MECOM: variants seen among roughly 807,000 people sequenced by gnomAD.
The protein encoded by MECOM is histone-lysine N-methyltransferase MECOM.
A neutral mutation model predicts 116.3 loss-of-function variants in MECOM; 13 were observed. The observed-to-expected ratio is 0.11, with a 90% CI of 0.07 to 0.18. The LOEUF (loss-of-function observed/expected upper bound fraction) is 0.18, where lower values mean the gene tolerates loss of function less well. Among genes scored for constraint, MECOM ranks in the 10% least tolerant of loss-of-function variants. The pLI is 1.00. For missense variants in MECOM, 1,299 were observed against 1,509.0 expected (o/e 0.86, Z 2.31); for synonymous variants, 528 against 535.2 (o/e 0.99, Z 0.19).
intron 1 of MECOM, among the ~76,000 whole-genome samples, chr3:169,416,122 G>T (rs1248881378): frequency 6.6e-6 from 1 of 152,080 alleles, no homozygotes; most frequent in Admixed American, 6.5e-5. Context: ...CATATAATTG[G>T]AAGTAAAACA....
At chr3:169,616,842 C>G (rs1469452521) in intron 1 of MECOM, among the ~76,000 whole-genome samples, 2 of 152,186 alleles carry the variant, frequency 1.3e-5, no homozygotes, top group African/African-American at 4.8e-5. Flanking sequence ...CTTCCACATA[C>G]AGATGAAGTA....
intron 1 of MECOM, among the ~76,000 whole-genome samples, chr3:169,465,044 CTTATA>C (rs1473164223): frequency 5.3e-5 from 8 of 152,016 alleles, no homozygotes; most frequent in Non-Finnish European, 1.0e-4. Flanking sequence ...ACAATGAATA[CTTATA>C]TTAGAATCAG....
At chr3:169,387,275 T>A (rs1283094420) in intron 1 of MECOM, among the ~76,000 whole-genome samples, 1 of 152,240 alleles carries the variant, frequency 6.6e-6, no homozygotes. Flanking sequence ...AAAAAATGAT[T>A]TCATTTATTT....
intron 1 of MECOM, among the ~76,000 whole-genome samples, chr3:169,415,608 C>T (rs1021742653): frequency 4.0e-5 from 6 of 151,882 alleles, no homozygotes; most frequent in Admixed American, 3.9e-4. Flanking sequence ...GAGTCAAGAC[C>T]CATCAGTGTG....
At chr3:169,484,999 T>C (rs536882710) in intron 1 of MECOM, among the ~76,000 whole-genome samples, 52 of 152,196 alleles carry the variant, frequency 3.4e-4, no homozygotes, top group African/African-American at 1.2e-3. Context: ...TATTTATTTA[T>C]TTATTTATTT....
At chr3:169,568,120 G>T (rs147886511) in intron 1 of MECOM, among the ~76,000 whole-genome samples, 1 of 152,118 alleles carries the variant, frequency 6.6e-6, no homozygotes, top group Non-Finnish European at 1.5e-5. Flanking sequence ...GCAAGGGGTC[G>T]GGGAACTCCC....
At chr3:169,146,566 T>A in intron 2 of MECOM, 1 of 1,375,706 alleles carries the variant, frequency 7.3e-7, no homozygotes, top group African/African-American at 1.5e-5. Flanking sequence ...GCAACGTAGA[T>A]AAGCAGCAGG....
chr3:169,395,490 C>T (rs1734882604), intron 1 of MECOM, among the ~76,000 whole-genome samples: 1 of 152,206 alleles, frequency 6.6e-6, no homozygotes, highest in African/African-American at 2.4e-5. Flanking sequence ...TTTACACACA[C>T]TCATATGTGC....
chr3:169,556,334 T>C (rs1762028853), intron 1 of MECOM, among the ~76,000 whole-genome samples: 1 of 152,152 alleles, frequency 6.6e-6, no homozygotes, highest in African/African-American at 2.4e-5. Flanking sequence ...GGTAGTGATG[T>C]TTTGAATACG....
chr3:169,663,531 C>CT lies in MECOM; in HGVS notation c.-160_-159insA. Reference sequence around the variant, plus strand: ...CTCTCTCTCTCTCTCTCTCTCTCTCCCTCCCTCCTGTTTCTCTCCTGTTTC... The same window carrying CT: ...CTCTCTCTCTCTCTCTCTCTCTCTCCTCTCCCTCCTGTTTCTCTCCTGTTTC... On this transcript the variant is annotated 5_prime_UTR_variant, in exon 1 of 17. Coordinates refer to ENST00000651503, the MANE Select transcript of MECOM (RefSeq NM_004991.4). 1 of 537,132 alleles carries CT rather than the reference C, an allele frequency of 1.9e-6. No individual in the cohort carries two copies. Among genetic ancestry groups the CT allele is most frequent in the African/African-American group, 2.5e-5 (1 of 39,904 alleles). 33.3% of individuals were successfully genotyped at this position (537,132 alleles called of 1,614,324 possible).
At chr3:169,264,090 T>C (rs1202963391) in intron 2 of MECOM, among the ~76,000 whole-genome samples, 2 of 152,224 alleles carry the variant, frequency 1.3e-5, no homozygotes, top group Non-Finnish European at 2.9e-5. Flanking sequence ...TGTATGTCCT[T>C]AGAATCAAAA....
chr3:169,581,987 T>C (rs1299770372), intron 1 of MECOM, among the ~76,000 whole-genome samples: 1 of 152,218 alleles, frequency 6.6e-6, no homozygotes, highest in Non-Finnish European at 1.5e-5. Context: ...GAGTCAATAA[T>C]ATGAATCAGA....
At chr3:169,552,551 G>A (rs534054160) in intron 1 of MECOM, among the ~76,000 whole-genome samples, 1 of 152,182 alleles carries the variant, frequency 6.6e-6, no homozygotes, top group East Asian at 1.9e-4. Context: ...TTTAATATAG[G>A]AGGAAACTGA....
intron 2 of MECOM, among the ~76,000 whole-genome samples, chr3:169,292,096 T>G (rs1714673649): frequency 6.6e-6 from 1 of 152,138 alleles, no homozygotes; most frequent in South Asian, 2.1e-4. Context: ...TCCCAGCATT[T>G]TTTTGGGAGG....
chr3:169,214,624 T>G (rs1023401171), intron 2 of MECOM, among the ~76,000 whole-genome samples: 1 of 151,716 alleles, frequency 6.6e-6, no homozygotes, highest in African/African-American at 2.4e-5. Flanking sequence ...GACAATGAAT[T>G]TTTTTAAATG....
At chr3:169,326,202 G>A (rs1369535258) in intron 2 of MECOM, among the ~76,000 whole-genome samples, 2 of 152,196 alleles carry the variant, frequency 1.3e-5, no homozygotes, top group Non-Finnish European at 2.9e-5. Context: ...GGGACAGAGA[G>A]AGAGGAGAGC....
chr3:169,314,133 T>C (rs1163776704), intron 2 of MECOM, among the ~76,000 whole-genome samples: 1 of 152,242 alleles, frequency 6.6e-6, no homozygotes, highest in Admixed American at 6.5e-5. Flanking sequence ...TCCTCCTTCC[T>C]TGTCTTCTTC....
chr3:169,111,151 C>G (rs967649943), intron 9 of MECOM, among the ~76,000 whole-genome samples: 1 of 152,114 alleles, frequency 6.6e-6, no homozygotes, highest in Non-Finnish European at 1.5e-5. Context: ...ACACCCGACT[C>G]TCTCATTTTT....
chr3:169,405,123 T>C (rs1736492645), intron 1 of MECOM, among the ~76,000 whole-genome samples: 1 of 152,212 alleles, frequency 6.6e-6, no homozygotes, highest in Non-Finnish European at 1.5e-5. Flanking sequence ...TTTGCTAATG[T>C]TCTATCGCTG....
Sources: gnomAD v4.1 joint callset for allele counts (sites outside exome capture counted in the v4.1 genomes callset) on GRCh38, gnomAD v4.1.1 for gene constraint, MANE v1.5 for transcripts, NCBI Gene and HGNC (gene_info 2026-07-23, HGNC 2026-07-21) for gene names.